Variants in TMEM232 observed in about 807,000 individuals in gnomAD.
The protein encoded by TMEM232 is transmembrane protein 232.
TMEM232 carries 80 observed loss-of-function variants against 78.8 expected under a neutral mutation model. The ratio of observed to expected loss-of-function variants is 1.01; its 90% CI spans 0.85 to 1.22. TMEM232 has a LOEUF of 1.22. TMEM232 is among the 50% of genes most tolerant of loss of function. The probability of loss-of-function intolerance (pLI) is 0.00; values close to 1 mark genes in which losing one functional copy is unlikely to be tolerated. For synonymous variants in TMEM232, 297 were observed against 254.3 expected (o/e 1.17, Z -1.60); for missense variants, 881 against 742.2 (o/e 1.19, Z -2.17).
At chr5:110,625,805 T>C (rs1232363620) in intron 6 of TMEM232, among the ~76,000 whole-genome samples, 1 of 146,352 alleles carries the variant, frequency 6.8e-6, no homozygotes, top group Non-Finnish European at 1.5e-5. Context: ...TCAATGTCAT[T>C]GATTCTAGAC....
intron 12 of TMEM232, among the ~76,000 whole-genome samples, chr5:110,426,872 CAG>C (rs1757298702): frequency 6.6e-6 from 1 of 151,884 alleles, no homozygotes; most frequent in Admixed American, 6.6e-5. Context: ...ATAAATAAAA[CAG>C]AATCTTAAAA....
intron 3 of TMEM232, among the ~76,000 whole-genome samples, chr5:110,397,544 A>G (rs966112869): frequency 6.6e-6 from 1 of 152,144 alleles, no homozygotes; most frequent in East Asian, 1.9e-4. Context: ...GGAGAAGGTA[A>G]GATTAATAAA....
chr5:110,619,799 A>C (rs1783402931), intron 7 of TMEM232, among the ~76,000 whole-genome samples: 1 of 152,158 alleles, frequency 6.6e-6, no homozygotes, highest in African/African-American at 2.4e-5. Flanking sequence ...ATTTTGAATA[A>C]ATAGGTAAAT....
At chr5:110,631,585 G>A (rs1188528342) in intron 5 of TMEM232, among the ~76,000 whole-genome samples, 4 of 152,190 alleles carry the variant, frequency 2.6e-5, no homozygotes, top group African/African-American at 9.6e-5. Flanking sequence ...AGGTGAACCA[G>A]ATGGCACCTT....
At chr5:110,733,858 G>A (rs1239563567) in intron 2 of TMEM232, among the ~76,000 whole-genome samples, 5 of 152,264 alleles carry the variant, frequency 3.3e-5, no homozygotes, top group Admixed American at 1.3e-4. Context: ...AAAGTCAAAT[G>A]ATATTAAAAT....
chr5:110,664,341 T>C (rs1410570909), intron 2 of TMEM232, among the ~76,000 whole-genome samples: 4 of 152,216 alleles, frequency 2.6e-5, no homozygotes, highest in Non-Finnish European at 4.4e-5. Flanking sequence ...AAATGTAGCA[T>C]TGATTTTTTA....
At chr5:110,390,637 T>C (rs1010961764) in exon 4 of TMEM232, 1 of 152,234 alleles carries the variant, frequency 6.6e-6, no homozygotes, top group East Asian at 1.9e-4. Context: ...TGTGAGTGCC[T>C]TACCTGTAAG....
At chr5:110,404,756 A>G (rs1755724732) in intron 2 of TMEM232, among the ~76,000 whole-genome samples, 2 of 152,108 alleles carry the variant, frequency 1.3e-5, no homozygotes, top group African/African-American at 4.8e-5. Flanking sequence ...ACTGAATTCC[A>G]AAGAAAAACA....
At chr5:110,512,688 C>A (rs982351358) in intron 12 of TMEM232, among the ~76,000 whole-genome samples, 5 of 152,134 alleles carry the variant, frequency 3.3e-5, no homozygotes, top group Non-Finnish European at 5.9e-5. Flanking sequence ...TTATTAACTA[C>A]TGTAAAAATA....
At chr5:110,647,262 C>T (rs1787626316) in intron 2 of TMEM232, among the ~76,000 whole-genome samples, 1 of 151,762 alleles carries the variant, frequency 6.6e-6, no homozygotes, top group Admixed American at 6.6e-5. Context: ...GTGGTATTGA[C>T]CCATCATAGT....
intron 12 of TMEM232, among the ~76,000 whole-genome samples, chr5:110,507,109 A>G (rs1056934640): frequency 6.6e-6 from 1 of 152,150 alleles, no homozygotes; most frequent in African/African-American, 2.4e-5. Flanking sequence ...GATTTCTAGC[A>G]CGCAGAATTT....
chr5:110,455,534 C>T (rs1413008842), intron 12 of TMEM232, among the ~76,000 whole-genome samples: 4 of 151,960 alleles, frequency 2.6e-5, no homozygotes, highest in South Asian at 2.1e-4. Flanking sequence ...CCCGCCACCA[C>T]GCCCGGCTAA....
chr5:110,517,617 C>G (rs1393622587), intron 12 of TMEM232, among the ~76,000 whole-genome samples: 2 of 152,108 alleles, frequency 1.3e-5, no homozygotes. Flanking sequence ...TTCACATAGA[C>G]TATGTGAATG....
chr5:110,670,930 G>A (rs1160168570), intron 1 of TMEM232, among the ~76,000 whole-genome samples: 1 of 151,938 alleles, frequency 6.6e-6, no homozygotes, highest in Admixed American at 6.6e-5. Flanking sequence ...AATAAATGTT[G>A]CAAATTTGAC....
chr5:110,675,071 T>C (rs889458848), intron 1 of TMEM232, among the ~76,000 whole-genome samples: 5 of 151,628 alleles, frequency 3.3e-5, no homozygotes, highest in African/African-American at 1.2e-4. Context: ...AGACAGAGTC[T>C]TCCTCTGTCA....
chr5:110,735,170 G>T (rs1165261002), intron 1 of TMEM232, among the ~76,000 whole-genome samples: 1 of 152,198 alleles, frequency 6.6e-6, no homozygotes, highest in African/African-American at 2.4e-5. Flanking sequence ...AATTTATTTA[G>T]CATCAGAATT....
chr5:110,388,285 C>A (rs1022921203), intron 4 of TMEM232, among the ~76,000 whole-genome samples: 130 of 152,210 alleles, frequency 8.5e-4, no homozygotes, highest in Non-Finnish European at 1.2e-3. Context: ...TTCCACTTGG[C>A]CAGCACCATC....
intron 11 of TMEM232, among the ~76,000 whole-genome samples, chr5:110,538,357 T>C (rs1056168241): frequency 1.3e-5 from 2 of 152,154 alleles, no homozygotes; most frequent in African/African-American, 4.8e-5. Flanking sequence ...ACTGCTGTTA[T>C]GGTGTATAAC....
intron 1 of TMEM232, among the ~76,000 whole-genome samples, chr5:110,704,990 G>T (rs1014831348): frequency 2.6e-5 from 4 of 152,084 alleles, no homozygotes; most frequent in African/African-American, 9.7e-5. Flanking sequence ...TTCATACAAT[G>T]GGGATTACTT....
Sources: gnomAD v4.1 joint callset for allele counts (sites outside exome capture counted in the v4.1 genomes callset) on GRCh38, gnomAD v4.1.1 for gene constraint, MANE v1.5 for transcripts, NCBI Gene and HGNC (gene_info 2026-07-23, HGNC 2026-07-21) for gene names.